Variants in BBS9 observed in about 807,000 individuals in gnomAD.
The protein encoded by BBS9 is protein PTHB1.
Under a neutral mutation model 117.7 loss-of-function variants are expected in BBS9, and 89 were observed. That is an observed-to-expected ratio of 0.76 (90% confidence interval 0.64 to 0.90). The LOEUF (loss-of-function observed/expected upper bound fraction) is 0.90. Ranked by LOEUF, BBS9 falls within the 40% of genes least tolerant of loss-of-function variation. The probability of loss-of-function intolerance (pLI) is 0.00; values close to 1 mark genes in which losing one functional copy is unlikely to be tolerated. For missense variants in BBS9, 982 were observed against 1,042.2 expected (o/e 0.94, Z 0.80); for synonymous variants, 379 against 370.9 (o/e 1.02, Z -0.25).
intron 7 of BBS9, among the ~76,000 whole-genome samples, chr7:33,265,486 G>A (rs1050854705): frequency 1.3e-5 from 2 of 152,106 alleles, no homozygotes; most frequent in African/African-American, 4.8e-5. Flanking sequence ...GCAAGTTACA[G>A]CAAGTTTGTT....
intron 12 of BBS9, among the ~76,000 whole-genome samples, chr7:33,348,727 TTGTC>T (rs1818062403): frequency 1.3e-5 from 2 of 152,202 alleles, no homozygotes; most frequent in African/African-American, 4.8e-5. Context: ...ACACATGTTA[TTGTC>T]TGTCCTTTCG....
Position 33,365,777 on chromosome 7 carries a change from G to A in BBS9, c.1694-1990G>A, listed in dbSNP as rs545788995. Among the ~76,000 whole-genome samples, 4 of 152,370 alleles carry A rather than the reference G, an allele frequency of 2.6e-5. No homozygotes were observed. The East Asian group carries it at 7.7e-4, about 29-fold the overall frequency. On this transcript the variant is annotated intron_variant, in intron 16 of 22. Coordinates refer to ENST00000242067, the MANE Select transcript of BBS9 (RefSeq NM_198428.3). ...CTGCTGTGTTGGTGATGGTATGTGAGGCATTAGTGTTTATGAAACAGCCGG... is the reference window on the plus strand; with the variant it reads ...CTGCTGTGTTGGTGATGGTATGTGAAGCATTAGTGTTTATGAAACAGCCGG...
intron 21 of BBS9, among the ~76,000 whole-genome samples, chr7:33,561,637 A>G (rs1048028620): frequency 6.6e-6 from 1 of 152,236 alleles, no homozygotes; most frequent in Non-Finnish European, 1.5e-5. Flanking sequence ...CTCTCTAAAA[A>G]CTAGAGAGGA....
intron 9 of BBS9, among the ~76,000 whole-genome samples, chr7:33,330,026 T>G (rs1813692419): frequency 6.6e-6 from 1 of 152,086 alleles, no homozygotes; most frequent in Non-Finnish European, 1.5e-5. Context: ...TTGTGTTTTT[T>G]TTTTGGAGAC....
intron 20 of BBS9, among the ~76,000 whole-genome samples, chr7:33,522,542 C>T (rs1848790074): frequency 6.6e-6 from 1 of 152,142 alleles, no homozygotes; most frequent in African/African-American, 2.4e-5. Flanking sequence ...GCATAAACGT[C>T]TTCTTTTGAG....
In BBS9 at chr7:33,252,861, A is replaced by AT. The variant is rs1269365241; in HGVS notation, c.443-4368dup. Among the ~76,000 whole-genome samples the AT allele has an allele frequency of 1.1e-4, 17 of 152,030 alleles. No individual in the cohort carries two copies. In the East Asian group the frequency reaches 3.3e-3, roughly 29 times the overall value. On this transcript the variant is annotated intron_variant, in intron 5 of 22. Transcript: ENST00000242067. The stretch of plus-strand genomic sequence containing the variant: ...TACAAAATGTATATATTTAGACTTA[A>AT]TTTTTTTATATTTTTGTTGTGAAAA...
chr7:33,570,529 A>G (rs947011856), intron 21 of BBS9, among the ~76,000 whole-genome samples: 2 of 152,212 alleles, frequency 1.3e-5, no homozygotes, highest in African/African-American at 2.4e-5. Context: ...GACAAACATC[A>G]CAATAGCCAT....
At chr7:33,253,900 A>G (rs1463883622) in intron 5 of BBS9, among the ~76,000 whole-genome samples, 2 of 152,172 alleles carry the variant, frequency 1.3e-5, no homozygotes, top group Non-Finnish European at 2.9e-5. Context: ...TGGAAGCTTT[A>G]TTTTGGATGG....
intron 16 of BBS9, among the ~76,000 whole-genome samples, chr7:33,361,836 CTT>C (rs1263219574): frequency 6.6e-6 from 1 of 152,022 alleles, no homozygotes; most frequent in Non-Finnish European, 1.5e-5. Flanking sequence ...TTTTTATACA[CTT>C]TTGTTCTCAA....
intron 2 of BBS9, among the ~76,000 whole-genome samples, chr7:33,150,979 C>G (rs10232564): frequency 0.16 from 24,635 of 152,162 alleles, 2,136 homozygotes; most frequent in South Asian, 0.21. Context: ...TTTTGTACCG[C>G]ATTTCAGGTC....
At chr7:33,523,294 G>C (rs1284313243) in intron 20 of BBS9, among the ~76,000 whole-genome samples, 9 of 142,870 alleles carry the variant, frequency 6.3e-5, no homozygotes, top group African/African-American at 1.6e-4. Flanking sequence ...GAAAGTCATT[G>C]GTAGCTTGAT....
chr7:33,141,351 G>C (rs1791430251), intron 1 of BBS9, among the ~76,000 whole-genome samples: 1 of 152,100 alleles, frequency 6.6e-6, no homozygotes, highest in Admixed American at 6.5e-5. Flanking sequence ...AACTTGGGAG[G>C]TAGAGGTTGC....
intron 4 of BBS9, among the ~76,000 whole-genome samples, chr7:33,173,935 C>A (rs918949549): frequency 6.6e-6 from 1 of 152,180 alleles, no homozygotes; most frequent in African/African-American, 2.4e-5. Context: ...GTGGGTAGAA[C>A]ACAGAAATTT....
intron 9 of BBS9, among the ~76,000 whole-genome samples, chr7:33,325,842 G>GTC (rs918900621): frequency 1.5e-4 from 22 of 151,564 alleles, no homozygotes; most frequent in East Asian, 9.7e-4. Context: ...AACAAAAAGA[G>GTC]TCTCTCTCTC....
chr7:33,349,492 T>C (rs988353698), intron 13 of BBS9, among the ~76,000 whole-genome samples: 2 of 152,218 alleles, frequency 1.3e-5, no homozygotes, highest in African/African-American at 4.8e-5. Context: ...TGGAGTGCAG[T>C]GGCACCATCA....
chr7:33,395,865 C>A (rs1419288862), intron 19 of BBS9, among the ~76,000 whole-genome samples: 1 of 152,130 alleles, frequency 6.6e-6, no homozygotes, highest in East Asian at 1.9e-4. Flanking sequence ...GCCCACTTTC[C>A]TCATTGTCAT....
chr7:33,395,332 A>G (rs1054268268), intron 19 of BBS9, among the ~76,000 whole-genome samples: 7 of 152,302 alleles, frequency 4.6e-5, no homozygotes, highest in African/African-American at 1.7e-4. Context: ...TGCCAAATAA[A>G]TTCTCTATTT....
At chr7:33,503,722 A>C (rs1247338533) in intron 19 of BBS9, among the ~76,000 whole-genome samples, 1 of 150,662 alleles carries the variant, frequency 6.6e-6, no homozygotes, top group Non-Finnish European at 1.5e-5. Context: ...CCCCACAATG[A>C]GGCTTAATTG....
At chr7:33,384,065 T>G (rs1285357193) in intron 18 of BBS9, among the ~76,000 whole-genome samples, 1 of 152,206 alleles carries the variant, frequency 6.6e-6, no homozygotes, top group East Asian at 1.9e-4. Context: ...CGTCTGGCCC[T>G]GGAACAGAGC....
Sources: gnomAD v4.1 joint callset for allele counts (sites outside exome capture counted in the v4.1 genomes callset) on GRCh38, gnomAD v4.1.1 for gene constraint, MANE v1.5 for transcripts, NCBI Gene and HGNC (gene_info 2026-07-23, HGNC 2026-07-21) for gene names.